Variants in LOX observed in about 807,000 individuals in gnomAD.
LOX encodes the protein protein-lysine 6-oxidase.
LOX carries 12 observed loss-of-function variants against 50.5 expected under a neutral mutation model. The observed-to-expected ratio is 0.24, with a 90% confidence interval of 0.15 to 0.38. LOX has a LOEUF of 0.38. Ranked by LOEUF, LOX falls within the 10% of genes least tolerant of loss-of-function variation. The pLI, the probability that LOX is intolerant of heterozygous loss-of-function variation, is 1.00. For synonymous variants in LOX, 254 were observed against 230.6 expected, an observed-to-expected ratio of 1.10 and a Z score of -0.92; for missense variants, 504 against 563.8, an observed-to-expected ratio of 0.89 and a Z score of 1.07.
intron 6 of LOX, among the ~76,000 whole-genome samples, chr5:122,068,676 A>C (rs1754368758): frequency 6.6e-6 from 1 of 152,180 alleles, no homozygotes; most frequent in Non-Finnish European, 1.5e-5. Context: ...GACATTAAAC[A>C]AAGAAATTCA....
Position 122,077,180 on chromosome 5 carries a change from A to C in LOX, c.631+175T>G. On this transcript the variant is annotated intron_variant, in intron 1 of 6. Transcript: ENST00000231004. This position sits in a 1 kb window ranked among gnomAD's most constrained non-coding sequence, Gnocchi z 4.9. ...CTGCAAAGCAATGTGAAAAGGAAGC[A>C]GGAGGGGCCAGACGCGCGGTTTGCA... 1.4e-6 allele frequency: 2 copies of C among 1,464,330 alleles called. No homozygotes were observed. The highest frequency in any genetic ancestry group is 1.4e-5 in the South Asian group (1 of 70,802). 90.7% of individuals were successfully genotyped at this position (1,464,330 alleles called of 1,614,324 possible). A position where few individuals can be genotyped will look rare whatever the true frequency, so the allele number is the denominator to read the frequency against.
At chr5:122,075,624 A>G in intron 2 of LOX, 83 bp from the exon 3 acceptor site, 1 of 880,828 alleles carries the variant, frequency 1.1e-6, no homozygotes, top group Non-Finnish European at 1.7e-6. Context: ...TCCATTATAT[A>G]GTAGTGACAA....
intron 4 of LOX, 115 bp from the exon 5 acceptor site, chr5:122,070,704 A>G (rs1408909035): frequency 1.7e-6 from 1 of 575,076 alleles, no homozygotes; most frequent in African/African-American, 1.9e-5. Flanking sequence ...AGTCTGACAT[A>G]AAACTATACT....
intron 2 of LOX, among the ~76,000 whole-genome samples, chr5:122,076,249 G>A (rs1186652396): frequency 6.6e-6 from 1 of 152,148 alleles, no homozygotes; most frequent in African/African-American, 2.4e-5. Context: ...ATATGTTCAG[G>A]TGGTATTGAT....
Position 122,066,404 on chromosome 5 carries a change from A to G in LOX, c.*339T>C, listed in dbSNP as rs1253043955. ...AGTTCAAAGTCATTTTGGCTCATTC[A>G]TTTAGATAATACTGACCATTTTGCA... On this transcript the variant is annotated 3_prime_UTR_variant, in exon 7 of 7. Transcript: ENST00000231004. 3 of 232,934 alleles carry G rather than the reference A, an allele frequency of 1.3e-5. No homozygotes were observed. Among genetic ancestry groups the G allele is most frequent in the South Asian group, 2.7e-4 (2 of 7,514 alleles). 14.4% of individuals were successfully genotyped at this position (232,934 alleles called of 1,614,324 possible).
intron 6 of LOX, among the ~76,000 whole-genome samples, chr5:122,068,893 G>T (rs141444114): frequency 1.4e-3 from 206 of 151,942 alleles, no homozygotes; most frequent in African/African-American, 4.8e-3. Flanking sequence ...GTTTATTTAA[G>T]TGCAAATTAT....
At chr5:122,067,986 C>T (rs995011981) in intron 6 of LOX, among the ~76,000 whole-genome samples, 2 of 151,992 alleles carry the variant, frequency 1.3e-5, no homozygotes, top group African/African-American at 2.4e-5. Flanking sequence ...TATTACTATC[C>T]TGAAGGTGTG....
rs1233029598 is a variant in LOX, at chr5:122,063,936, C to T, written c.*2807G>A. 6.6e-6 allele frequency: 1 copy of T among 151,856 alleles called. No homozygotes were observed. The highest frequency in any genetic ancestry group is 1.9e-4 in the East Asian group (1 of 5,176). The allele number at this position is 151,856 out of a possible 1,614,324, so 9.4% of individuals were successfully genotyped here. A position where few individuals can be genotyped will look rare whatever the true frequency, so the allele number is the denominator to read the frequency against. ...GATAGAAATTGTAAATAAAGTTATT[C>T]TATAAAAATATACAGATTTTCTGGA... is the stretch of plus-strand genomic sequence containing the variant. On this transcript the variant is annotated 3_prime_UTR_variant, in exon 7 of 7. Transcript: ENST00000231004.
At chr5:122,070,749 C>T (rs922569659) in intron 4 of LOX, 160 bp from the exon 5 acceptor site, 1 of 501,972 alleles carries the variant, frequency 2.0e-6, no homozygotes, top group Non-Finnish European at 3.5e-6. Flanking sequence ...ATTTATTACT[C>T]AGCCTTATAG....
intron 6 of LOX, among the ~76,000 whole-genome samples, chr5:122,068,766 G>C (rs1454831419): frequency 6.6e-6 from 1 of 152,072 alleles, no homozygotes; most frequent in African/African-American, 2.4e-5. Context: ...GCATTATTCA[G>C]TAATATCTAG....
rs34226651 is a variant in LOX at position 122,074,124 on chromosome 5, A to C, written c.924T>G (p.Asp308Glu). 3.7e-6 allele frequency: 6 copies of C among 1,614,028 alleles called. No individual in the cohort carries two copies. In the African/African-American group the frequency reaches 8.0e-5, roughly 22 times the overall value. ...CAGCCACTCTCCTCTGGGTGTTGGC[A>C]TCAAGCAGGTCATAGTGGCTAAACT... Reference protein sequence around the residue: ...MDEFSHYDLLDANTQRRVAEG... With the variant: ...MDEFSHYDLLEANTQRRVAEG... The change falls in exon 4 of 7, where the codon GAT becomes GAG. Residue 308 changes from aspartate to glutamate, a missense_variant. Coordinates refer to ENST00000231004, the MANE Select transcript of LOX (RefSeq NM_002317.7).
chr5:122,071,373 G>C (rs188774827), intron 4 of LOX, among the ~76,000 whole-genome samples: 2 of 152,206 alleles, frequency 1.3e-5, no homozygotes, highest in East Asian at 1.9e-4. Context: ...TCAAGGTCCA[G>C]AGTCCCTGTT....
At chr5:122,074,298 T>A in intron 3 of LOX, 129 bp from the exon 4 acceptor site, 1 of 715,588 alleles carries the variant, frequency 1.4e-6, no homozygotes, top group Non-Finnish European at 2.3e-6. Context: ...ATTTATCTTC[T>A]AAAAGAGAGA....
chr5:122,077,982 G>A lies in LOX; in HGVS notation c.4C>T (p.Arg2Cys), dbSNP rs746103919. The A allele has an allele frequency of 6.9e-7, 1 of 1,455,384 alleles. No individual in the cohort carries two copies. Among genetic ancestry groups the A allele is most frequent in the East Asian group, 2.6e-5 (1 of 37,908 alleles). The allele number at this position is 1,455,384 out of a possible 1,614,324, so 90.2% of individuals were successfully genotyped here. ...AGCAGGAGCACGGTCCAGGCGAAGC[G>A]CATCACTCCTTTTGCCAGATTGACC... MRFAWTVLLLGP... is the reference protein window; with the variant it reads MCFAWTVLLLGP... The change falls in exon 1 of 7, where the codon CGC becomes TGC. Residue 2 changes from arginine (R) to cysteine (C), a missense_variant. By Grantham distance (180) the Arg-to-Cys change is radical. Around this residue, in one of 2 missense-constraint regions of LOX, gnomAD observed 398 missense variants for 365.8 expected, o/e 1.09. Transcript: ENST00000231004. The surrounding 1 kb of genome is among the most constrained non-coding windows in gnomAD (Gnocchi z 4.9).
intron 3 of LOX, 143 bp downstream of exon 3, chr5:122,075,261 A>C: frequency 1.4e-6 from 1 of 726,134 alleles, no homozygotes; most frequent in Admixed American, 3.2e-5. Flanking sequence ...GGGTTATGTG[A>C]AATTACATAG....
rs750680040 is a variant in LOX at position 122,074,061 on chromosome 5, G to C, written c.987C>G (p.Ser329=). The C allele has an allele frequency of 6.2e-7, 1 of 1,614,100 alleles. No homozygotes were observed. Among genetic ancestry groups the C allele is most frequent in the Middle Eastern group, 1.7e-4 (1 of 6,056 alleles). Residue 329 remains serine (S), a synonymous_variant, in exon 4 of 7, where the codon TCC becomes TCG. Transcript: ENST00000231004. ...ATCGCCTGTGGTAGCCATAGTCACA[G>C]GATGTGTCTTCAAGACAGAAACTTG... ...HKASFCLEDT[S]CDYGYHRRFA...
intron 3 of LOX, 66 bp from the exon 4 acceptor site, chr5:122,074,235 A>T (rs1440578377): frequency 7.2e-7 from 1 of 1,381,020 alleles, no homozygotes; most frequent in Non-Finnish European, 1.0e-6. Flanking sequence ...AAGATATTAA[A>T]TGACTTCCCC....
chr5:122,072,633 T>C (rs758238347), intron 4 of LOX, among the ~76,000 whole-genome samples: 9 of 152,174 alleles, frequency 5.9e-5, no homozygotes, highest in Non-Finnish European at 1.2e-4. Flanking sequence ...TTTTTTCCTT[T>C]AAATGAAGTC....
chr5:122,076,828 C>G, intron 2 of LOX, 65 bp downstream of exon 2: 1 of 1,427,580 alleles, frequency 7.0e-7, no homozygotes, highest in East Asian at 2.3e-5. Flanking sequence ...GCAGTCAGAA[C>G]CAGGCACCAG....
Sources: allele counts gnomAD v4.1 joint callset (sites outside exome capture counted in the v4.1 genomes callset), GRCh38; gene constraint gnomAD v4.1.1; regional missense constraint gnomAD v4.1.1; non-coding constraint Gnocchi (gnomAD v3.1); transcripts MANE v1.5; gene names NCBI Gene and HGNC (gene_info 2026-07-23, HGNC 2026-07-21).